Variants in GIGYF2 observed in about 807,000 individuals in gnomAD.
GIGYF2 encodes GRB10 interacting GYF protein 2.
Under a neutral mutation model 208.1 loss-of-function variants are expected in GIGYF2, and 25 were observed. The ratio of observed to expected loss-of-function variants is 0.12; its 90% confidence interval spans 0.09 to 0.17. The LOEUF is 0.17. GIGYF2 is among the 10% of genes least tolerant of loss of function. GIGYF2 has a pLI of 1.00. For synonymous variants in GIGYF2, 534 were observed against 543.8 expected, an observed-to-expected ratio of 0.98 and a Z score of 0.25; for missense variants, 1,302 against 1,579.4, an observed-to-expected ratio of 0.82 and a Z score of 2.98.
intron 2 of GIGYF2, among the ~76,000 whole-genome samples, chr2:232,730,825 G>A (rs1173678236): frequency 7.0e-6 from 1 of 142,452 alleles, no homozygotes; most frequent in Non-Finnish European, 1.5e-5. Flanking sequence ...GTGAACCCGG[G>A]AGGCGGAGCT....
chr2:232,775,350 G>C (rs1339598362), intron 8 of GIGYF2, among the ~76,000 whole-genome samples: 2 of 152,154 alleles, frequency 1.3e-5, no homozygotes, highest in Non-Finnish European at 2.9e-5. Flanking sequence ...AGTGAAAAAA[G>C]AGGGAATTAT....
At chr2:232,736,166 A>T in intron 3 of GIGYF2, 1 of 981,086 alleles carries the variant, frequency 1.0e-6, no homozygotes, top group Non-Finnish European at 1.2e-6. Flanking sequence ...AGGAGAAATC[A>T]CTATTTGAAG....
chr2:232,700,140 T>C (rs1436880047), intron 1 of GIGYF2, among the ~76,000 whole-genome samples: 1 of 152,186 alleles, frequency 6.6e-6, no homozygotes, highest in East Asian at 1.9e-4. Flanking sequence ...TGCCTCAAAA[T>C]CATGAGAAGA....
At chr2:232,825,530 TAA>T (rs1701219645) in intron 21 of GIGYF2, among the ~76,000 whole-genome samples, 1 of 152,172 alleles carries the variant, frequency 6.6e-6, no homozygotes, top group Non-Finnish European at 1.5e-5. Context: ...AATCTCATGG[TAA>T]AGTTTGAATG....
chr2:232,720,585 T>TTTTG (rs71056294), intron 2 of GIGYF2, among the ~76,000 whole-genome samples: 10 of 126,368 alleles, frequency 7.9e-5, no homozygotes, highest in Admixed American at 1.5e-4. Flanking sequence ...ATATATATAT[T>TTTTG]TTTGTTTGTT....
chr2:232,753,097 GTATTTATT>G (rs58602448), intron 5 of GIGYF2, among the ~76,000 whole-genome samples: 13,962 of 143,256 alleles, frequency 0.097, 770 homozygotes, highest in African/African-American at 0.18. Flanking sequence ...ACACTTGACA[GTATTTATT>G]TATTTATTTA....
intron 22 of GIGYF2, among the ~76,000 whole-genome samples, chr2:232,838,739 G>T (rs756109367): frequency 2.6e-5 from 4 of 152,068 alleles, no homozygotes; most frequent in Non-Finnish European, 5.9e-5. Context: ...TTCCTGTGGA[G>T]ACAAAGTTAA....
At chr2:232,749,151 T>C in intron 5 of GIGYF2, 69 bp downstream of exon 5, 1 of 820,638 alleles carries the variant, frequency 1.2e-6, no homozygotes, top group South Asian at 1.3e-5. Flanking sequence ...AATAGGAAGT[T>C]ACTATTTATG....
At chr2:232,842,372 T>G (rs1574946368) in intron 23 of GIGYF2, among the ~76,000 whole-genome samples, 1 of 152,340 alleles carries the variant, frequency 6.6e-6, no homozygotes, top group East Asian at 1.9e-4. Flanking sequence ...GAGCTTTTAA[T>G]ATATGCTATA....
intron 1 of GIGYF2, among the ~76,000 whole-genome samples, chr2:232,700,132 C>T (rs1018626049): frequency 6.6e-6 from 1 of 152,102 alleles, no homozygotes; most frequent in African/African-American, 2.4e-5. Flanking sequence ...AGTAGGTTTG[C>T]CTCAAAATCA....
chr2:232,733,206 G>A (rs1246695134), intron 2 of GIGYF2, among the ~76,000 whole-genome samples: 1 of 150,000 alleles, frequency 6.7e-6, no homozygotes, highest in South Asian at 2.1e-4. Context: ...ACAGTGAGCC[G>A]TGATCGCGCC....
intron 14 of GIGYF2, among the ~76,000 whole-genome samples, chr2:232,805,364 A>G (rs1700528896): frequency 6.6e-6 from 1 of 151,412 alleles, no homozygotes; most frequent in South Asian, 2.1e-4. Context: ...CCTGTTTTGT[A>G]TATTTTGGAG....
chr2:232,777,616 C>G (rs1460417559), intron 8 of GIGYF2, among the ~76,000 whole-genome samples: 1 of 141,612 alleles, frequency 7.1e-6, no homozygotes, highest in Non-Finnish European at 1.5e-5. Flanking sequence ...CTCTCCGTCC[C>G]CCCCCCGCCC....
chr2:232,859,946 G>A lies in GIGYF2; in HGVS notation c.*3086G>A, dbSNP rs1013814416. 1.8e-4 allele frequency: 28 copies of A among 152,030 alleles called. 1 individual carries two copies. Among genetic ancestry groups the A allele is most frequent in the African/African-American group, 6.3e-4 (26 of 41,390 alleles). The allele number at this position is 152,030 out of a possible 1,614,324, so 9.4% of individuals were successfully genotyped here. A position where few individuals can be genotyped will look rare whatever the true frequency, so the allele number is the denominator to read the frequency against. On this transcript the variant is annotated 3_prime_UTR_variant, in exon 29 of 29. Transcript: ENST00000373563. The stretch of plus-strand genomic sequence containing the variant: ...TTCTGTGACACTGTGTTGCATCAAA[G>A]TAGTCACAAACCCACTCAGATTCAA...
intron 21 of GIGYF2, among the ~76,000 whole-genome samples, chr2:232,823,889 G>T (rs1225633371): frequency 6.6e-6 from 1 of 152,140 alleles, no homozygotes; most frequent in South Asian, 2.1e-4. Flanking sequence ...GACCAAGTCT[G>T]TTGGCCAGCA....
chr2:232,853,801 C>T (rs1013715459), intron 28 of GIGYF2, among the ~76,000 whole-genome samples: 1 of 152,308 alleles, frequency 6.6e-6, no homozygotes, highest in African/African-American at 2.4e-5. Flanking sequence ...TTGGGTTTCA[C>T]AGTACCCAGA....
intron 2 of GIGYF2, among the ~76,000 whole-genome samples, chr2:232,709,292 G>T (rs752387797): frequency 6.6e-5 from 10 of 152,134 alleles, no homozygotes; most frequent in Non-Finnish European, 1.2e-4. Context: ...TGGCTTTTAT[G>T]ATTGCTATTA....
Position 232,838,132 on chromosome 2 carries a change from A to G in GIGYF2, c.2767-1717A>G, listed in dbSNP as rs1574942415. 2.0e-5 allele frequency among the ~76,000 whole-genome samples: 3 copies of G among 152,274 alleles called. No individual in the cohort carries two copies. In the East Asian group the frequency reaches 5.8e-4, roughly 29 times the overall value. ...TACAAAGAAGACTTAAGGAAAATGA[A>G]AGCTATCAGCAGACATAAGTCTATA... On this transcript the variant is annotated intron_variant, in intron 22 of 28. Coordinates refer to ENST00000373563, the MANE Select transcript of GIGYF2 (RefSeq NM_001103146.3).
At chr2:232,775,218 T>C (rs775403851) in intron 8 of GIGYF2, among the ~76,000 whole-genome samples, 1 of 152,134 alleles carries the variant, frequency 6.6e-6, no homozygotes, top group Non-Finnish European at 1.5e-5. Context: ...TGGTTTAGTG[T>C]AGAGAACGCA....
Sources: allele counts gnomAD v4.1 joint callset (sites outside exome capture counted in the v4.1 genomes callset), GRCh38; gene constraint gnomAD v4.1.1; transcripts MANE v1.5; gene names NCBI Gene and HGNC (gene_info 2026-07-23, HGNC 2026-07-21).